RDH8: variants seen among roughly 807,000 people sequenced by gnomAD.
RDH8 encodes the protein photoreceptor outer segment all-trans retinol dehydrogenase.
RDH8 carries 14 observed loss-of-function variants against 22.3 expected under a neutral mutation model. The ratio of observed to expected loss-of-function variants is 0.63; its 90% confidence interval spans 0.42 to 0.98. RDH8 has a LOEUF of 0.98. Among genes scored for constraint, RDH8 ranks in the 50% least tolerant of loss-of-function variants. RDH8 has a pLI of 0.00. For missense variants in RDH8, 389 were observed against 409.8 expected (o/e 0.95, Z 0.44); for synonymous variants, 175 against 171.7 (o/e 1.02, Z -0.15).
intron 1 of RDH8, among the ~76,000 whole-genome samples, chr19:10,015,923 G>C (rs919975855): frequency 1.5e-4 from 23 of 151,048 alleles, no homozygotes; most frequent in Non-Finnish European, 2.4e-4. Flanking sequence ...CTGTACTCCA[G>C]ACTGGGCAAC....
At chr19:10,021,464 G>A in intron 5 of RDH8, 26 bp downstream of exon 5, 2 of 1,613,954 alleles carry the variant, frequency 1.2e-6, no homozygotes, top group Non-Finnish European at 1.7e-6. Flanking sequence ...AGAGCCCCAA[G>A]ACGTGGCTCA....
At chr19:10,017,671 G>A (rs1284738553) in intron 2 of RDH8, among the ~76,000 whole-genome samples, 1 of 151,848 alleles carries the variant, frequency 6.6e-6, no homozygotes, top group Middle Eastern at 3.2e-3. Flanking sequence ...TTTTTGAGAC[G>A]GAGTCTTGCT....
intron 3 of RDH8, 114 bp downstream of exon 3, chr19:10,019,024 C>T (rs2087639991): frequency 5.7e-6 from 5 of 869,686 alleles, no homozygotes; most frequent in East Asian, 5.5e-5. Flanking sequence ...ACCCTGGGCA[C>T]GGTGATTCAT....
chr19:10,014,384 G>A (rs756598406), intron 1 of RDH8, among the ~76,000 whole-genome samples: 4 of 152,248 alleles, frequency 2.6e-5, no homozygotes, highest in South Asian at 2.1e-4. Flanking sequence ...CCCTATGGGC[G>A]GGCAGATGGG....
At chr19:10,018,092 G>A (rs1381353176) in intron 2 of RDH8, among the ~76,000 whole-genome samples, 2 of 151,984 alleles carry the variant, frequency 1.3e-5, no homozygotes, top group African/African-American at 4.8e-5. Flanking sequence ...ATTACAGGCA[G>A]GCGCCACCAC....
intron 1 of RDH8, among the ~76,000 whole-genome samples, chr19:10,015,951 C>G (rs193224150): frequency 2.1e-4 from 31 of 149,154 alleles, no homozygotes; most frequent in Admixed American, 1.4e-3. Flanking sequence ...AGTGAAACTT[C>G]GTCTCAAAAA....
At chr19:10,020,857 T>C in intron 4 of RDH8, 55 bp downstream of exon 4, 1 of 1,281,296 alleles carries the variant, frequency 7.8e-7, no homozygotes, top group Non-Finnish European at 1.1e-6. Flanking sequence ...GGAGGTGGCA[T>C]CGAAAGGGGG....
At chr19:10,017,586 G>A (rs2087628904) in intron 2 of RDH8, among the ~76,000 whole-genome samples, 2 of 152,196 alleles carry the variant, frequency 1.3e-5, no homozygotes, top group African/African-American at 2.4e-5. Flanking sequence ...GAGCCCAGGA[G>A]TTTGAGGCTG....
rs374151989 is a variant in RDH8, at chr19:10,020,815, C to T, written c.536+13C>T. ...AGTTCAACATCTTGTGAGGCGGGCA[C>T]GTGGGCAGAGGGGGCTTGGAGCCAG... On this transcript the variant is annotated intron_variant, in intron 4 of 5. Transcript: ENST00000591589. 26 of 1,593,992 alleles carry T rather than the reference C, an allele frequency of 1.6e-5. No homozygotes were observed. Among genetic ancestry groups the T allele is most frequent in the African/African-American group, 1.6e-4 (12 of 74,766 alleles).
intron 2 of RDH8, 122 bp downstream of exon 2, chr19:10,017,337 G>C: frequency 9.2e-7 from 1 of 1,089,770 alleles, no homozygotes; most frequent in Non-Finnish European, 1.2e-6. Context: ...CTGGGCAGAA[G>C]GGGTAGACCA....
Position 10,021,750 on chromosome 19 carries a change from G to C in RDH8, c.*1G>C, listed in dbSNP as rs141784596. 1.8e-5 allele frequency: 29 copies of C among 1,612,850 alleles called. No individual in the cohort carries two copies. In the African/African-American group the frequency reaches 3.5e-4, roughly 19 times the overall value. On this transcript the variant is annotated 3_prime_UTR_variant, in exon 6 of 6. Transcript: ENST00000591589. ...CCCAACGCGGGTGCGGCCAAGATGA[G>C]CAGAACAGAGCTTCACGATCCCCAT...
chr19:10,020,041 T>G (rs2145168500), intron 3 of RDH8, among the ~76,000 whole-genome samples: 1 of 152,038 alleles, frequency 6.6e-6, no homozygotes, highest in South Asian at 2.1e-4. Flanking sequence ...CTCAGGAGGC[T>G]GAGGCAGGAG....
In RDH8 at chr19:10,015,471, T is replaced by C. The variant is rs543461756; in HGVS notation, c.104-1586T>C. On this transcript the variant is annotated intron_variant, in intron 1 of 5. Transcript: ENST00000591589. Reference sequence around the variant, plus strand: ...CTGTCTCAATAAATAAATAAATAAATATACAAAAATTAGCCAGGCATGGTG... The same window carrying C: ...CTGTCTCAATAAATAAATAAATAAACATACAAAAATTAGCCAGGCATGGTG... Among the ~76,000 whole-genome samples, 5 of 150,944 alleles carry C rather than the reference T, an allele frequency of 3.3e-5. No individual in the cohort carries two copies. In the South Asian group the frequency reaches 1.0e-3, roughly 32 times the overall value.
rs139267887 is a variant in RDH8 at position 10,020,774 on chromosome 19, G to A, written c.508G>A (p.Ala170Thr). 104 of 1,609,948 alleles carry A rather than the reference G, an allele frequency of 6.5e-5. No homozygotes were observed. Among genetic ancestry groups the A allele is most frequent in the East Asian group, 8.9e-5 (4 of 44,890 alleles). ...FALEGFFESL[A>T]IQLLQFNIFI... ...CCTGGAGGGATTCTTCGAAAGCCTC[G>A]CTATCCAGCTGCTGCAGTTCAACAT... The change falls in exon 4 of 6, where the codon GCT (alanine) becomes ACT (threonine). Residue 170 changes from alanine to threonine, a missense_variant. Transcript: ENST00000591589.
chr19:10,021,240 A>G lies in RDH8; in HGVS notation c.537-15A>G. 1 of 1,613,606 alleles carries G rather than the reference A, an allele frequency of 6.2e-7. No individual in the cohort carries two copies. The highest frequency in any genetic ancestry group is 8.5e-7 in the Non-Finnish European group (1 of 1,179,844). On this transcript the variant is annotated splice_polypyrimidine_tract_variant and intron_variant, in intron 4 of 5. Coordinates refer to ENST00000591589, the MANE Select transcript of RDH8 (RefSeq NM_015725.4). ...TTGGGGCATCAGACTTACACTACCC[A>G]TGCCTGGTCGCCAGCATCTCCCTGG...
chr19:10,014,484 A>G (rs577468954), intron 1 of RDH8, among the ~76,000 whole-genome samples: 1 of 152,278 alleles, frequency 6.6e-6, no homozygotes, highest in East Asian at 1.9e-4. Flanking sequence ...AAGTCATTTA[A>G]TCCTCACATC....
intron 4 of RDH8, chr19:10,021,043 T>A (rs2087654406): frequency 3.2e-6 from 2 of 626,250 alleles, no homozygotes; most frequent in Non-Finnish European, 5.5e-6. Flanking sequence ...GGTGGTGGTG[T>A]GTGTACCTGC....
chr19:10,017,436 T>A (rs1274345430), intron 2 of RDH8, among the ~76,000 whole-genome samples: 1 of 152,054 alleles, frequency 6.6e-6, no homozygotes, highest in Non-Finnish European at 1.5e-5. Context: ...CCTAGCACTT[T>A]GGGAGGCCGA....
At position 10,013,491 on chromosome 19, in the gene RDH8, G is replaced by A; in HGVS notation, c.-7G>A. 1 of 1,612,130 alleles carries A rather than the reference G, an allele frequency of 6.2e-7. No homozygotes were observed. Among genetic ancestry groups the A allele is most frequent in the Non-Finnish European group, 8.5e-7 (1 of 1,180,018 alleles). On this transcript the variant is annotated 5_prime_UTR_variant, in exon 1 of 6. Transcript: ENST00000591589. ...GCGGAGGTCACGAGTCCAGGGAGGG[G>A]ATCAACATGGCCGCTGCACCCCGGA... is the stretch of plus-strand genomic sequence containing the variant.
Sources: allele counts gnomAD v4.1 joint callset (sites outside exome capture counted in the v4.1 genomes callset), GRCh38; gene constraint gnomAD v4.1.1; transcripts MANE v1.5; gene names NCBI Gene and HGNC (gene_info 2026-07-23, HGNC 2026-07-21).